CLVS1: variants seen among roughly 807,000 people sequenced by gnomAD.
The protein encoded by CLVS1 is clavesin-1.
CLVS1 carries 10 observed loss-of-function variants against 33.1 expected under a neutral mutation model. The observed-to-expected ratio is 0.30, with a 90% CI of 0.19 to 0.51. The LOEUF is 0.51. Ranked by LOEUF, CLVS1 falls within the 20% of genes least tolerant of loss-of-function variation. The probability of loss-of-function intolerance (pLI) is 0.97; values close to 1 mark genes in which losing one functional copy is unlikely to be tolerated. For synonymous variants in CLVS1, 163 were observed against 166.1 expected (o/e 0.98, Z 0.14); for missense variants, 343 against 433.4 (o/e 0.79, Z 1.85).
At chr8:61,392,113 C>T (rs1814326460) in intron 3 of CLVS1, among the ~76,000 whole-genome samples, 1 of 152,074 alleles carries the variant, frequency 6.6e-6, no homozygotes, top group Non-Finnish European at 1.5e-5. Flanking sequence ...ATCTAATATT[C>T]AGTATTTGAG....
intron 1 of CLVS1, among the ~76,000 whole-genome samples, chr8:61,067,864 T>C (rs1426316033): frequency 6.6e-6 from 1 of 151,912 alleles, no homozygotes; most frequent in South Asian, 2.1e-4. Context: ...TAAAACCAAC[T>C]ATTGGGTACT....
At chr8:61,372,947 T>C (rs929558560) in intron 2 of CLVS1, among the ~76,000 whole-genome samples, 1 of 152,170 alleles carries the variant, frequency 6.6e-6, no homozygotes, top group Non-Finnish European at 1.5e-5. Flanking sequence ...CTGGCTAAGG[T>C]AGTGTTTCTC....
the CLVS1 span, among the ~76,000 whole-genome samples, chr8:61,003,980 T>C: frequency 6.6e-6 from 1 of 152,062 alleles, no homozygotes; most frequent in Non-Finnish European, 1.5e-5. Context: ...TTGAGCCTCA[T>C]TTGAGGGGGT....
At chr8:61,247,378 T>A (rs1808837079) in intron 2 of CLVS1, among the ~76,000 whole-genome samples, 1 of 152,152 alleles carries the variant, frequency 6.6e-6, no homozygotes, top group Non-Finnish European at 1.5e-5. Flanking sequence ...AGAGACATAC[T>A]GATTCCACAA....
chr8:61,358,200 G>C (rs1010487559), intron 2 of CLVS1, among the ~76,000 whole-genome samples: 2 of 152,102 alleles, frequency 1.3e-5, no homozygotes, highest in African/African-American at 4.8e-5. Context: ...CAATAAAGTA[G>C]GAAAGAAGAT....
the CLVS1 span, among the ~76,000 whole-genome samples, chr8:61,032,074 G>A: frequency 6.6e-6 from 1 of 152,184 alleles, no homozygotes; most frequent in Non-Finnish European, 1.5e-5. Context: ...TGGCAGTGTG[G>A]GAACAGGTTG....
intron 2 of CLVS1, among the ~76,000 whole-genome samples, chr8:61,149,462 G>A (rs1032337865): frequency 1.4e-5 from 2 of 147,120 alleles, no homozygotes; most frequent in Non-Finnish European, 3.0e-5. Context: ...TGAAGCAGGG[G>A]AATCACTTGA....
intron 1 of CLVS1, among the ~76,000 whole-genome samples, chr8:61,084,097 A>G (rs1400782654): frequency 3.3e-5 from 5 of 152,228 alleles, no homozygotes; most frequent in Non-Finnish European, 7.3e-5. Flanking sequence ...AGAAGATAGG[A>G]CTAAGATTGA....
At chr8:61,338,133 G>A (rs956772424) in intron 2 of CLVS1, among the ~76,000 whole-genome samples, 2 of 152,102 alleles carry the variant, frequency 1.3e-5, no homozygotes, top group African/African-American at 4.8e-5. Context: ...AGCCCAGCGC[G>A]ATCCATCTTC....
chr8:61,394,344 G>A (rs1814433297), intron 3 of CLVS1, among the ~76,000 whole-genome samples: 1 of 152,152 alleles, frequency 6.6e-6, no homozygotes, highest in Non-Finnish European at 1.5e-5. Flanking sequence ...CCTTATGTTG[G>A]CCAGGATAAG....
At chr8:61,483,559 A>G (rs746262480) in intron 5 of CLVS1, among the ~76,000 whole-genome samples, 2 of 152,228 alleles carry the variant, frequency 1.3e-5, no homozygotes, top group Non-Finnish European at 2.9e-5. Context: ...TCCAATCAAT[A>G]GAAACAGAGG....
chr8:61,140,036 G>C (rs768633781), intron 2 of CLVS1, among the ~76,000 whole-genome samples: 2 of 152,116 alleles, frequency 1.3e-5, no homozygotes, highest in Non-Finnish European at 1.5e-5. Flanking sequence ...TCTCCGCCAC[G>C]GACCCCAAGC....
At chr8:61,039,405 G>A in the CLVS1 span, among the ~76,000 whole-genome samples, 4 of 152,228 alleles carry the variant, frequency 2.6e-5, no homozygotes, top group Admixed American at 2.6e-4. Flanking sequence ...GCCTTCTGTG[G>A]CTCACTACCT....
At chr8:60,966,441 G>A in the CLVS1 span, 1 of 450,310 alleles carries the variant, frequency 2.2e-6, no homozygotes, top group Non-Finnish European at 4.4e-6. Context: ...GGTGGAAGCA[G>A]GATGGGTGAA....
At chr8:61,399,512 T>A (rs1422824651) in intron 3 of CLVS1, among the ~76,000 whole-genome samples, 2 of 152,234 alleles carry the variant, frequency 1.3e-5, no homozygotes, top group Non-Finnish European at 2.9e-5. Flanking sequence ...TGATGATAAT[T>A]TCTTTTGCTG....
At chr8:61,212,003 G>A (rs1000463976) in intron 2 of CLVS1, among the ~76,000 whole-genome samples, 1 of 152,208 alleles carries the variant, frequency 6.6e-6, no homozygotes, top group African/African-American at 2.4e-5. Context: ...GATCCTCTGG[G>A]GGGAGTATGG....
Position 61,148,831 on chromosome 8 carries a change from G to A in CLVS1, c.-152+16971G>A, listed in dbSNP as rs115911016. Reference sequence around the variant, plus strand: ...TCAACCAAGAGAAAAGAAGACTGATGTGTGTGTGCCGACACATGTGTACGT... The same window carrying A: ...TCAACCAAGAGAAAAGAAGACTGATATGTGTGTGCCGACACATGTGTACGT... On this transcript the variant is annotated intron_variant, in intron 2 of 2. Transcript: ENST00000522621. Among the ~76,000 whole-genome samples, 775 of 152,318 alleles carry A rather than the reference G, an allele frequency of 5.1e-3. 9 individuals are homozygous for A. The highest frequency in any genetic ancestry group is 0.018 in the African/African-American group (739 of 41,562).
chr8:61,473,556 TGAG>T (rs932621962), intron 5 of CLVS1, among the ~76,000 whole-genome samples: 28 of 152,038 alleles, frequency 1.8e-4, no homozygotes, highest in Admixed American at 1.3e-4. Context: ...CACTCTGTTG[TGAG>T]GAGAACAAAT....
intron 3 of CLVS1, among the ~76,000 whole-genome samples, chr8:61,398,536 T>C (rs1358074504): frequency 2.6e-5 from 4 of 152,100 alleles, no homozygotes; most frequent in African/African-American, 9.7e-5. Context: ...TTGTTTTTGA[T>C]TTTTTATTTT....
Sources: allele counts gnomAD v4.1 joint callset (sites outside exome capture counted in the v4.1 genomes callset), GRCh38; gene constraint gnomAD v4.1.1; transcripts MANE v1.5; gene names NCBI Gene and HGNC (gene_info 2026-07-23, HGNC 2026-07-21).